BST1: variants seen among roughly 807,000 people sequenced by gnomAD.
BST1 encodes bone marrow stromal cell antigen 1, also known as ADP-ribosyl cyclase/cyclic ADP-ribose hydrolase 2.
BST1 carries 49 observed loss-of-function variants against 40.6 expected under a neutral mutation model. The observed-to-expected ratio is 1.21, with a 90% CI of 0.96 to 1.53. BST1 has a LOEUF of 1.53. Among genes scored for constraint, BST1 ranks in the 40% most tolerant of loss-of-function variants. The probability of loss-of-function intolerance (pLI) is 0.00; values close to 1 mark genes in which losing one functional copy is unlikely to be tolerated. For synonymous variants in BST1, 157 were observed against 159.3 expected (o/e 0.99, Z 0.11); for missense variants, 423 against 395.9 (o/e 1.07, Z -0.58).
chr4:15,761,037 T>G, the BST1 span, among the ~76,000 whole-genome samples: 3 of 150,178 alleles, frequency 2.0e-5, no homozygotes, highest in Admixed American at 6.6e-5. Flanking sequence ...GTTTTTTTGT[T>G]TTGTTTTGTT....
chr4:15,742,821 T>G (rs536167669), downstream of BST1, among the ~76,000 whole-genome samples: 1 of 152,352 alleles, frequency 6.6e-6, no homozygotes, highest in Admixed American at 6.5e-5. Flanking sequence ...CAGTGCAGAA[T>G]GCACCTCGAA....
At chr4:15,740,340 A>G (rs944211208), downstream of BST1, among the ~76,000 whole-genome samples, 2 of 152,208 alleles carry the variant, frequency 1.3e-5, no homozygotes, top group African/African-American at 4.8e-5. Flanking sequence ...TATAGGCATG[A>G]GCCACCATGT....
chr4:15,755,163 G>C, the BST1 span, among the ~76,000 whole-genome samples: 1 of 151,754 alleles, frequency 6.6e-6, no homozygotes, highest in Non-Finnish European at 1.5e-5. Flanking sequence ...TTTTGAGATG[G>C]AGTCTCACTC....
At chr4:15,755,700 A>C in the BST1 span, among the ~76,000 whole-genome samples, 1 of 152,194 alleles carries the variant, frequency 6.6e-6, no homozygotes. Flanking sequence ...GTCAATGTAG[A>C]GTGGTGGTTA....
At position 15,707,336 on chromosome 4, in the gene BST1, T is replaced by A. The variant is rs114973579; in HGVS notation, c.316-175T>A. On this transcript the variant is annotated intron_variant, in intron 2 of 8. Coordinates refer to ENST00000265016, the MANE Select transcript of BST1 (RefSeq NM_004334.3). ...ACCCTGGGAATAAAGGGAGGAGAGA[T>A]GCTAGCAGTCTTTGAATGAATAAAT... Among the ~76,000 whole-genome samples the A allele has an allele frequency of 6.0e-3, 920 of 152,278 alleles. 13 individuals carry two copies. Among genetic ancestry groups the A allele is most frequent in the African/African-American group, 0.021 (877 of 41,542 alleles).
chr4:15,720,445 C>T (rs1038072168), intron 7 of BST1, among the ~76,000 whole-genome samples: 3 of 151,870 alleles, frequency 2.0e-5, no homozygotes, highest in African/African-American at 4.8e-5. Context: ...GGTGAAACCC[C>T]GTCTCTACTA....
At chr4:15,763,726 A>G in the BST1 span, among the ~76,000 whole-genome samples, 6 of 152,040 alleles carry the variant, frequency 3.9e-5, no homozygotes, top group Non-Finnish European at 2.9e-5. Flanking sequence ...ACAAATGAAT[A>G]TTATTCAGTG....
At chr4:15,757,925 A>G in the BST1 span, among the ~76,000 whole-genome samples, 1 of 152,158 alleles carries the variant, frequency 6.6e-6, no homozygotes, top group Admixed American at 6.5e-5. Context: ...TACAGGCATG[A>G]GCCACCGCGC....
intron 7 of BST1, among the ~76,000 whole-genome samples, chr4:15,721,917 A>G (rs1482105773): frequency 1.3e-5 from 2 of 152,122 alleles, no homozygotes; most frequent in African/African-American, 4.8e-5. Context: ...CTGTTCTTCC[A>G]TAGTCCCCTG....
At chr4:15,730,592 T>C (rs1721322207) in intron 8 of BST1, among the ~76,000 whole-genome samples, 1 of 152,248 alleles carries the variant, frequency 6.6e-6, no homozygotes, top group Admixed American at 6.5e-5. Context: ...CATTTGTGCT[T>C]AGATAAAAGG....
the BST1 span, among the ~76,000 whole-genome samples, chr4:15,756,143 C>T: frequency 6.6e-6 from 1 of 151,940 alleles, no homozygotes; most frequent in Non-Finnish European, 1.5e-5. Context: ...ACAACAAAAA[C>T]AACAACAAAA....
chr4:15,773,941 T>C, the BST1 span, among the ~76,000 whole-genome samples: 1 of 152,248 alleles, frequency 6.6e-6, no homozygotes, highest in East Asian at 1.9e-4. Flanking sequence ...TGTTAGGGGC[T>C]GAATGGTGTA....
At chr4:15,756,830 G>A in the BST1 span, among the ~76,000 whole-genome samples, 5 of 152,264 alleles carry the variant, frequency 3.3e-5, 1 homozygote, top group South Asian at 8.3e-4. Context: ...GGCTCAGGAT[G>A]CACCACCTCA....
At chr4:15,769,529 G>A in the BST1 span, among the ~76,000 whole-genome samples, 6 of 152,266 alleles carry the variant, frequency 3.9e-5, no homozygotes, top group South Asian at 1.2e-3. Flanking sequence ...GGAGTTACAT[G>A]AGATGCTCAG....
the BST1 span, among the ~76,000 whole-genome samples, chr4:15,763,488 T>C: frequency 2.0e-5 from 3 of 152,076 alleles, no homozygotes; most frequent in Non-Finnish European, 4.4e-5. Context: ...AAGCACACAA[T>C]TGCTATTATA....
intron 1 of BST1, among the ~76,000 whole-genome samples, chr4:15,704,073 G>T (rs1225986948): frequency 2.7e-5 from 4 of 148,242 alleles, no homozygotes; most frequent in South Asian, 2.2e-4. Context: ...GAGGTGAGGG[G>T]TGTGTGTGTG....
intron 6 of BST1, among the ~76,000 whole-genome samples, chr4:15,716,065 G>A (rs1720498976): frequency 6.6e-6 from 1 of 152,152 alleles, no homozygotes; most frequent in South Asian, 2.1e-4. Context: ...GGTAGCTTTG[G>A]ATGGGTGAGT....
At chr4:15,765,853 C>T in the BST1 span, among the ~76,000 whole-genome samples, 1 of 152,012 alleles carries the variant, frequency 6.6e-6, no homozygotes, top group Admixed American at 6.5e-5. Context: ...CCCTCATCAT[C>T]ACCTCGCATG....
At chr4:15,727,928 T>A (rs1721195633) in intron 8 of BST1, among the ~76,000 whole-genome samples, 1 of 151,376 alleles carries the variant, frequency 6.6e-6, no homozygotes, top group African/African-American at 2.4e-5. Context: ...ATATAGCCCT[T>A]AAAGACAATG....
Sources: gnomAD v4.1 joint callset for allele counts (sites outside exome capture counted in the v4.1 genomes callset) on GRCh38, gnomAD v4.1.1 for gene constraint, MANE v1.5 for transcripts, NCBI Gene and HGNC (gene_info 2026-07-23, HGNC 2026-07-21) for gene names.